The following ARMH4 variants were observed in gnomAD, a reference collection of about 807,000 sequenced individuals.
ARMH4 encodes the protein armadillo-like helical domain-containing protein 4.
Under a neutral mutation model 61.9 loss-of-function variants are expected in ARMH4, and 49 were observed. The observed-to-expected ratio is 0.79, with a 90% confidence interval of 0.63 to 1.00. The LOEUF is 1.00. ARMH4 is among the 50% of genes least tolerant of loss of function. The pLI is 0.00. For synonymous variants in ARMH4, 368 were observed against 341.5 expected, an observed-to-expected ratio of 1.08 and a Z score of -0.85; for missense variants, 934 against 930.0, an observed-to-expected ratio of 1.00 and a Z score of -0.06.
Position 58,081,677 on chromosome 14 carries a change from AT to A in ARMH4, c.2089+15046del. On this transcript the variant is annotated intron_variant, in intron 5 of 7. Transcript: ENST00000267485. ...CACCACGCCTGGCTAATTTTTTTGTATTTTTTAGTGAAGATGGGGTTTCACC... is the reference window on the plus strand; with the variant it reads ...CACCACGCCTGGCTAATTTTTTTGTATTTTTAGTGAAGATGGGGTTTCACC... 3.3e-5 allele frequency among the ~76,000 whole-genome samples: 5 copies of A among 150,904 alleles called. No homozygotes were observed. In the East Asian group the frequency reaches 9.8e-4, roughly 30 times the overall value.
intron 4 of ARMH4, among the ~76,000 whole-genome samples, chr14:58,113,209 T>C (rs1349156615): frequency 6.6e-6 from 1 of 152,220 alleles, no homozygotes; most frequent in Non-Finnish European, 1.5e-5. Flanking sequence ...GAAATTTCTA[T>C]AAATGGAATT....
At chr14:58,085,551 T>C (rs1247993052) in intron 5 of ARMH4, among the ~76,000 whole-genome samples, 1 of 152,190 alleles carries the variant, frequency 6.6e-6, no homozygotes, top group Non-Finnish European at 1.5e-5. Context: ...AAGTCTCCTT[T>C]TCTGGCTCTC....
chr14:58,138,208 TG>T lies in ARMH4; in HGVS notation c.1150del (p.His384MetfsTer20). 6.2e-7 allele frequency: 1 copy of T among 1,614,214 alleles called. No homozygotes were observed. Among genetic ancestry groups the T allele is most frequent in the Non-Finnish European group, 8.5e-7 (1 of 1,180,034 alleles). ...GAAAGCAGGTGATCTCTCATTCCCA[TG>T]CGCTATTAGCAGGGCTGTGCCCGTG... ...THTGTALLIA[H>X]GNERSPAFTD... is the part of the protein sequence containing the mutation. On this transcript the variant is annotated frameshift_variant, in exon 2 of 8. Transcript: ENST00000267485. LOFTEE classifies it high-confidence loss of function.
chr14:58,019,914 G>C (rs73291204), intron 5 of ARMH4, among the ~76,000 whole-genome samples: 6,145 of 152,188 alleles, frequency 0.04, 313 homozygotes, highest in South Asian at 0.12. Context: ...AGAGGAGTAT[G>C]TTTAATTTTC....
intron 5 of ARMH4, among the ~76,000 whole-genome samples, chr14:58,015,000 G>T (rs1882555005): frequency 6.6e-6 from 1 of 152,206 alleles, no homozygotes; most frequent in Admixed American, 6.5e-5. Context: ...AATAGGGATA[G>T]CCTGGAGAAG....
chr14:58,095,167 C>T (rs989839758), intron 5 of ARMH4, among the ~76,000 whole-genome samples: 1 of 152,130 alleles, frequency 6.6e-6, no homozygotes, highest in Non-Finnish European at 1.5e-5. Flanking sequence ...GGGTAGATGC[C>T]ATATGATGTT....
At chr14:58,083,718 CA>C (rs1166024503) in intron 5 of ARMH4, among the ~76,000 whole-genome samples, 2 of 152,158 alleles carry the variant, frequency 1.3e-5, no homozygotes. Flanking sequence ...TAACAAATAG[CA>C]AAACAAATAA....
Position 58,026,279 on chromosome 14 carries a change from T to C in ARMH4, c.2090-14129A>G, listed in dbSNP as rs145433783. On this transcript the variant is annotated intron_variant, in intron 5 of 7. Transcript: ENST00000267485. ...CAATAATATTCAACATTGCTTCCCA[T>C]TATTCACCAGGGGAGAAAAAAAAAG... Among the ~76,000 whole-genome samples the C allele has an allele frequency of 1.3e-4, 20 of 152,096 alleles. No homozygotes were observed. In the East Asian group the frequency reaches 3.5e-3, roughly 26 times the overall value.
At chr14:58,049,825 G>A (rs72714784) in intron 5 of ARMH4, among the ~76,000 whole-genome samples, 2 of 152,208 alleles carry the variant, frequency 1.3e-5, no homozygotes, top group East Asian at 1.9e-4. Context: ...ATGACTTGGA[G>A]GCATGATGGT....
intron 5 of ARMH4, among the ~76,000 whole-genome samples, chr14:58,045,553 T>A (rs573528297): frequency 1.8e-4 from 27 of 151,848 alleles, no homozygotes; most frequent in African/African-American, 6.0e-4. Flanking sequence ...ATGGCACATG[T>A]ATACATATGT....
At chr14:58,130,586 C>T (rs1003087762) in intron 4 of ARMH4, among the ~76,000 whole-genome samples, 8 of 150,794 alleles carry the variant, frequency 5.3e-5, no homozygotes, top group East Asian at 2.0e-4. Context: ...TGATTAATTA[C>T]GTGACTATGT....
chr14:58,100,817 C>T (rs1315505871), intron 4 of ARMH4, among the ~76,000 whole-genome samples: 1 of 152,040 alleles, frequency 6.6e-6, no homozygotes, highest in African/African-American at 2.4e-5. Flanking sequence ...CCTGGCCATC[C>T]CTCAAAAGTA....
chr14:58,097,261 T>TTA (rs1465611138), intron 4 of ARMH4, among the ~76,000 whole-genome samples: 1 of 152,214 alleles, frequency 6.6e-6, no homozygotes, highest in Non-Finnish European at 1.5e-5. Flanking sequence ...TTAAAGTTAT[T>TTA]TATATTTACA....
In ARMH4 at chr14:58,108,316, G is replaced by A. The variant is rs542850988; in HGVS notation, c.1832-11335C>T. The stretch of plus-strand genomic sequence containing the variant: ...CTTTTACATTTTTATCATGTAATAG[G>A]AGATATATATTAGACTATATACATA... On this transcript the variant is annotated intron_variant, in intron 4 of 7. Transcript: ENST00000267485. Among the ~76,000 whole-genome samples, 224 of 152,146 alleles carry A rather than the reference G, an allele frequency of 1.5e-3. 1 individual carries two copies. The highest frequency in any genetic ancestry group is 5.1e-3 in the African/African-American group (211 of 41,514).
intron 6 of ARMH4, among the ~76,000 whole-genome samples, chr14:58,007,581 C>T (rs546124629): frequency 4.6e-5 from 7 of 152,142 alleles, no homozygotes; most frequent in Non-Finnish European, 8.8e-5. Flanking sequence ...AGCAAAGCAA[C>T]GTACCATCTT....
intron 6 of ARMH4, among the ~76,000 whole-genome samples, chr14:58,007,009 C>A (rs1319125428): frequency 6.6e-6 from 1 of 152,170 alleles, no homozygotes; most frequent in Admixed American, 6.5e-5. Flanking sequence ...TATAAAAACT[C>A]TGCAATTTTC....
intron 5 of ARMH4, among the ~76,000 whole-genome samples, chr14:58,075,780 A>G (rs1335112089): frequency 6.6e-6 from 1 of 152,188 alleles, no homozygotes; most frequent in Non-Finnish European, 1.5e-5. Context: ...CAAAAAGAAA[A>G]AAGAGCAGCA....
At chr14:58,140,080 C>T (rs954004641) in intron 1 of ARMH4, among the ~76,000 whole-genome samples, 5 of 151,342 alleles carry the variant, frequency 3.3e-5, no homozygotes, top group Non-Finnish European at 5.9e-5. Context: ...ACCAGCCTGG[C>T]CAACATGGTG....
intron 5 of ARMH4, among the ~76,000 whole-genome samples, chr14:58,078,907 T>C (rs544049519): frequency 2.0e-5 from 3 of 152,328 alleles, no homozygotes; most frequent in South Asian, 2.1e-4. Context: ...GATACAACCA[T>C]GGCCAATGTG....
Sources: gnomAD v4.1 joint callset for allele counts (sites outside exome capture counted in the v4.1 genomes callset) on GRCh38, gnomAD v4.1.1 for gene constraint, MANE v1.5 for transcripts, NCBI Gene and HGNC (gene_info 2026-07-23, HGNC 2026-07-21) for gene names.